Variants in HPGD observed in about 807,000 individuals in gnomAD.
HPGD encodes the protein 15-hydroxyprostaglandin dehydrogenase.
Under a neutral mutation model 30.0 loss-of-function variants are expected in HPGD, and 29 were observed. That is an observed-to-expected ratio of 0.97 (90% CI 0.72 to 1.32). The LOEUF (loss-of-function observed/expected upper bound fraction) is 1.32. Ranked by LOEUF, HPGD falls within the 40% of genes most tolerant of loss-of-function variation. HPGD has a pLI of 0.00. For missense variants in HPGD, 340 were observed against 322.1 expected (o/e 1.06, Z -0.43); for synonymous variants, 99 against 112.4 (o/e 0.88, Z 0.75).
intron 3 of HPGD, among the ~76,000 whole-genome samples, chr4:174,516,882 T>C (rs780715650): frequency 2.1e-4 from 32 of 152,150 alleles, no homozygotes; most frequent in Admixed American, 7.9e-4. Context: ...CTAAGCACTA[T>C]CTTCAAGATA....
chr4:174,518,183 G>A, intron 2 of HPGD, 106 bp from the exon 3 acceptor site: 1 of 642,854 alleles, frequency 1.6e-6, no homozygotes, highest in Non-Finnish European at 2.8e-6. Context: ...CCCTCATAGT[G>A]AAAGTTACTA....
chr4:174,516,350 G>T (rs1735771870), intron 3 of HPGD, among the ~76,000 whole-genome samples: 1 of 152,176 alleles, frequency 6.6e-6, no homozygotes. Context: ...CATGGATGCA[G>T]CTGGAGAGCA....
chr4:174,516,470 C>A (rs2555645), intron 3 of HPGD, among the ~76,000 whole-genome samples: 35,093 of 151,626 alleles, frequency 0.23, 4,355 homozygotes, highest in African/African-American at 0.3. Flanking sequence ...AACAATAGTC[C>A]CCAAGGTCTA....
intron 2 of HPGD, among the ~76,000 whole-genome samples, chr4:174,519,315 G>A (rs1022277229): frequency 6.6e-6 from 1 of 151,402 alleles, no homozygotes; most frequent in South Asian, 2.1e-4. Flanking sequence ...CCGGGTTCAC[G>A]CCATTCTCCT....
chr4:174,513,323 A>G (rs1735604295), intron 3 of HPGD, among the ~76,000 whole-genome samples: 1 of 152,166 alleles, frequency 6.6e-6, no homozygotes, highest in Admixed American at 6.5e-5. Context: ...GCATGAGTCT[A>G]TATTCTTAAA....
chr4:174,492,190 T>A lies in HPGD; in HGVS notation c.663-96A>T, dbSNP rs1262307399. On this transcript the variant is annotated intron_variant, in intron 6 of 6. Transcript: ENST00000296522. This position sits in a 1 kb window ranked among gnomAD's most constrained non-coding sequence, Gnocchi z 4.9. ...TCTGAAGAATCTATTAAGTTGAACA[T>A]GTTATAGGGAAATGTGTGTCATTAA... 7.9e-6 allele frequency: 9 copies of A among 1,145,478 alleles called. No individual in the cohort carries two copies. In the Admixed American group the frequency reaches 1.2e-4, roughly 15 times the overall value. The allele number at this position is 1,145,478 out of a possible 1,614,324, so 71.0% of individuals were successfully genotyped here.
chr4:174,506,990 C>G (rs974068491), intron 4 of HPGD: 1 of 152,096 alleles, frequency 6.6e-6, no homozygotes, highest in Non-Finnish European at 1.5e-5. Context: ...TGATCACAGC[C>G]CCAGGTTTTT....
In HPGD at chr4:174,517,952, T is replaced by C. The variant is rs1270330030; in HGVS notation, c.324+19A>G. On this transcript the variant is annotated intron_variant, in intron 3 of 6. Coordinates refer to ENST00000296522, the MANE Select transcript of HPGD (RefSeq NM_000860.6). ...TTATTAAATAATTATAGACAAGAAA[T>C]ATAGCTAAGATAACTCACCAAATTA... 8.1e-7 allele frequency: 1 copy of C among 1,229,086 alleles called. No homozygotes were observed. Among genetic ancestry groups the C allele is most frequent in the Non-Finnish European group, 1.2e-6 (1 of 830,760 alleles). The allele number at this position is 1,229,086 out of a possible 1,614,324, so 76.1% of individuals were successfully genotyped here.
chr4:174,512,079 G>A (rs976473807), intron 3 of HPGD, among the ~76,000 whole-genome samples: 2 of 150,288 alleles, frequency 1.3e-5, no homozygotes, highest in African/African-American at 2.5e-5. Context: ...AGAAGGATGA[G>A]ATCAGCAAAG....
At chr4:174,502,972 G>T (rs1734993853) in intron 4 of HPGD, among the ~76,000 whole-genome samples, 1 of 152,122 alleles carries the variant, frequency 6.6e-6, no homozygotes, top group South Asian at 2.1e-4. Flanking sequence ...ATCGAAATCA[G>T]AATCTGCATC....
At chr4:174,505,662 A>C (rs1013768698) in intron 4 of HPGD, among the ~76,000 whole-genome samples, 3 of 152,150 alleles carry the variant, frequency 2.0e-5, no homozygotes, top group Admixed American at 6.5e-5. Context: ...AGACTTTGTG[A>C]GTTGAAGGCA....
At chr4:174,500,909 C>T (rs1188093623) in intron 4 of HPGD, among the ~76,000 whole-genome samples, 3 of 152,126 alleles carry the variant, frequency 2.0e-5, no homozygotes, top group Non-Finnish European at 2.9e-5. Flanking sequence ...ACCTATTTAT[C>T]GGTTCATCCA....
intron 2 of HPGD, among the ~76,000 whole-genome samples, chr4:174,519,285 C>A (rs1735955137): frequency 1.3e-5 from 2 of 151,482 alleles, no homozygotes; most frequent in African/African-American, 4.9e-5. Context: ...CTGATCTCAG[C>A]TCACTGCAAG....
At chr4:174,504,104 T>C (rs1486473213) in intron 4 of HPGD, among the ~76,000 whole-genome samples, 1 of 152,182 alleles carries the variant, frequency 6.6e-6, no homozygotes, top group African/African-American at 2.4e-5. Context: ...ATACAGCTCT[T>C]GGGGTAGAAA....
intron 3 of HPGD, among the ~76,000 whole-genome samples, chr4:174,514,742 G>T (rs931396489): frequency 2.0e-5 from 3 of 151,916 alleles, no homozygotes; most frequent in African/African-American, 7.3e-5. Flanking sequence ...TTTTGCAAAC[G>T]GTATGATTCT....
At chr4:174,497,196 A>G (rs1734640064) in intron 4 of HPGD, among the ~76,000 whole-genome samples, 1 of 152,242 alleles carries the variant, frequency 6.6e-6, no homozygotes, top group South Asian at 2.1e-4. Flanking sequence ...AACCTTAATC[A>G]GAGATAAACT....
At chr4:174,504,375 G>A (rs959445292) in intron 4 of HPGD, among the ~76,000 whole-genome samples, 33 of 152,196 alleles carry the variant, frequency 2.2e-4, no homozygotes, top group African/African-American at 7.5e-4. Context: ...GAGTAAATAA[G>A]ACCCTCATGG....
rs1579272706 is a variant in HPGD at position 174,496,011 on chromosome 4, T to C, written c.422-387A>G. 2.6e-5 allele frequency among the ~76,000 whole-genome samples: 4 copies of C among 152,344 alleles called. No homozygotes were observed. The highest frequency in any genetic ancestry group is 2.6e-4 in the Admixed American group (4 of 15,306). ...AGTCTGGATTTTAAAAAGTATATAT[T>C]CTACATTTTTAAAGCTTCCTAATGG... is the stretch of plus-strand genomic sequence containing the variant. On this transcript the variant is annotated intron_variant, in intron 4 of 6. Transcript: ENST00000296522. This position sits in a 1 kb window ranked among gnomAD's most constrained non-coding sequence, Gnocchi z 4.6.
At position 174,506,114 on chromosome 4, in the gene HPGD, G is replaced by A. The variant is rs149614197; in HGVS notation, c.421+2582C>T. Among the ~76,000 whole-genome samples the A allele has an allele frequency of 9.7e-4, 148 of 152,302 alleles. 2 individuals are homozygous for A. In the Middle Eastern group the frequency reaches 0.01, roughly 11 times the overall value. On this transcript the variant is annotated intron_variant, in intron 4 of 6. Transcript: ENST00000296522. ...CCTGGGGTTGGCGGGAGGTGGCGGT[G>A]AGCGGGATGACAAAGCAAGCTCCTA... is the stretch of plus-strand genomic sequence containing the variant.
Sources: allele counts gnomAD v4.1 joint callset (sites outside exome capture counted in the v4.1 genomes callset), GRCh38; gene constraint gnomAD v4.1.1; non-coding constraint Gnocchi (gnomAD v3.1); transcripts MANE v1.5; gene names NCBI Gene and HGNC (gene_info 2026-07-23, HGNC 2026-07-21).